Variants in PTPN2 observed in about 807,000 individuals in gnomAD.
PTPN2 encodes protein tyrosine phosphatase non-receptor type 2.
Under a neutral mutation model 57.3 loss-of-function variants are expected in PTPN2, and 19 were observed. The observed-to-expected ratio is 0.33, with a 90% confidence interval of 0.23 to 0.49. The LOEUF (loss-of-function observed/expected upper bound fraction) is 0.49, where lower values mean the gene tolerates loss of function less well. Ranked by LOEUF, PTPN2 falls within the 20% of genes least tolerant of loss-of-function variation. PTPN2 has a pLI of 0.99. For synonymous variants in PTPN2, 153 were observed against 164.9 expected (o/e 0.93, Z 0.55); for missense variants, 358 against 501.1 (o/e 0.71, Z 2.73).
At chr18:12,860,520 C>G (rs1362983980) in intron 1 of PTPN2, among the ~76,000 whole-genome samples, 1 of 152,150 alleles carries the variant, frequency 6.6e-6, no homozygotes, top group Non-Finnish European at 1.5e-5. Flanking sequence ...TCGCTTGAAA[C>G]CGGGTGGCTG....
chr18:12,878,837 A>G (rs2044578801), intron 1 of PTPN2, among the ~76,000 whole-genome samples: 1 of 152,210 alleles, frequency 6.6e-6, no homozygotes, highest in South Asian at 2.1e-4. Context: ...TGGGCAACAG[A>G]GTGAGAACTC....
rs368854010 is a variant in PTPN2, at chr18:12,845,213, T to C, written c.161-8322A>G. Among the ~76,000 whole-genome samples the C allele has an allele frequency of 2.0e-5, 3 of 152,324 alleles. No individual in the cohort carries two copies. The East Asian group carries it at 5.8e-4, about 29-fold the overall frequency. On this transcript the variant is annotated intron_variant, in intron 2 of 8. Transcript: ENST00000309660. ...AACTTCCTGAAATTCTGACAGAAAT[T>C]GTGTTAGATCTTTAGGAACAATTTG...
At chr18:12,871,690 T>C (rs2044273040) in intron 1 of PTPN2, among the ~76,000 whole-genome samples, 1 of 152,166 alleles carries the variant, frequency 6.6e-6, no homozygotes, top group Non-Finnish European at 1.5e-5. Flanking sequence ...CATTGTTTTC[T>C]TATATAATTT....
At chr18:12,864,326 A>C (rs1168239112) in intron 1 of PTPN2, 2 of 151,974 alleles carry the variant, frequency 1.3e-5, no homozygotes, top group African/African-American at 4.8e-5. Flanking sequence ...ACATTATGAA[A>C]TGGTCCATTC....
chr18:12,817,095 G>T, intron 6 of PTPN2, 61 bp downstream of exon 6: 1 of 1,480,872 alleles, frequency 6.8e-7, no homozygotes, highest in Non-Finnish European at 9.3e-7. Context: ...TTCACTGCCA[G>T]TGGAAGCAAT....
At chr18:12,848,653 T>G (rs1183416653) in intron 2 of PTPN2, among the ~76,000 whole-genome samples, 1 of 152,166 alleles carries the variant, frequency 6.6e-6, no homozygotes, top group Admixed American at 6.5e-5. Flanking sequence ...AGTAAAGAAG[T>G]TGCTTCTTCA....
intron 1 of PTPN2, among the ~76,000 whole-genome samples, chr18:12,878,028 AAAAAAAGAAAAAG>A (rs1008949359): frequency 6.6e-6 from 1 of 150,512 alleles, no homozygotes; most frequent in African/African-American, 2.4e-5. Flanking sequence ...AGACTGTCTC[AAAAAAAGAAAAAG>A]AAAAAAGAAA....
intron 6 of PTPN2, among the ~76,000 whole-genome samples, chr18:12,815,138 A>AAAT (rs1568103461): frequency 1.3e-5 from 2 of 149,182 alleles, no homozygotes; most frequent in South Asian, 2.1e-4. Context: ...ATAAATAAAA[A>AAAT]TGTGGTGGGT....
At chr18:12,807,542 A>G (rs542862498) in intron 7 of PTPN2, among the ~76,000 whole-genome samples, 46 of 138,040 alleles carry the variant, frequency 3.3e-4, no homozygotes, top group African/African-American at 1.1e-3. Context: ...ATGTCCATCA[A>G]TGAATGGAGG....
At chr18:12,869,282 TCCC>T (rs1231353208) in intron 1 of PTPN2, among the ~76,000 whole-genome samples, 1 of 152,088 alleles carries the variant, frequency 6.6e-6, no homozygotes, top group Admixed American at 6.6e-5. Flanking sequence ...GCTCAAGTGA[TCCC>T]CCCACCTCAG....
intron 1 of PTPN2, among the ~76,000 whole-genome samples, chr18:12,876,524 G>C (rs1347206470): frequency 6.6e-6 from 1 of 152,146 alleles, no homozygotes; most frequent in African/African-American, 2.4e-5. Flanking sequence ...AACTAGAAAA[G>C]CTAGGAGACA....
intron 6 of PTPN2, among the ~76,000 whole-genome samples, chr18:12,816,369 A>C (rs1818402746): frequency 6.6e-6 from 1 of 152,180 alleles, no homozygotes; most frequent in African/African-American, 2.4e-5. Context: ...GGTTATTGAT[A>C]ATCTTAGAAC....
At chr18:12,848,747 C>A (rs2043296192) in intron 2 of PTPN2, among the ~76,000 whole-genome samples, 1 of 152,240 alleles carries the variant, frequency 6.6e-6, no homozygotes, top group African/African-American at 2.4e-5. Flanking sequence ...GGTTAGTCAA[C>A]CCCTAGATTT....
intron 2 of PTPN2, among the ~76,000 whole-genome samples, chr18:12,857,060 C>A (rs1398057594): frequency 0.013 from 1,318 of 100,690 alleles, no homozygotes; most frequent in African/African-American, 0.02. Context: ...GACACCATCT[C>A]AAAAAAAAAA....
At chr18:12,810,405 T>C (rs1482921815) in intron 7 of PTPN2, among the ~76,000 whole-genome samples, 7 of 152,304 alleles carry the variant, frequency 4.6e-5, no homozygotes, top group South Asian at 4.2e-4. Flanking sequence ...TTCCCAGATA[T>C]GGCTATTTTA....
chr18:12,870,404 C>T (rs139559938), intron 1 of PTPN2, among the ~76,000 whole-genome samples: 14 of 51,186 alleles, frequency 2.7e-4, no homozygotes, highest in African/African-American at 3.9e-4. Context: ...TATATATACA[C>T]GTATATATAT....
intron 4 of PTPN2, among the ~76,000 whole-genome samples, chr18:12,827,568 A>G (rs1476629562): frequency 6.6e-6 from 1 of 151,584 alleles, no homozygotes; most frequent in Non-Finnish European, 1.5e-5. Context: ...TATTTTTTGT[A>G]GAGGCAGGGT....
intron 5 of PTPN2, chr18:12,819,431 GA>G: frequency 2.5e-6 from 1 of 400,314 alleles, no homozygotes; most frequent in Non-Finnish European, 4.4e-6. Flanking sequence ...TGACATTCTG[GA>G]AAAGGCAGAA....
At chr18:12,836,418 C>T (rs2145396883) in intron 3 of PTPN2, among the ~76,000 whole-genome samples, 1 of 152,292 alleles carries the variant, frequency 6.6e-6, no homozygotes, top group East Asian at 1.9e-4. Context: ...GCAGGGGGAG[C>T]TACAGAAGAG....
Sources: gnomAD v4.1 joint callset for allele counts (sites outside exome capture counted in the v4.1 genomes callset) on GRCh38, gnomAD v4.1.1 for gene constraint, MANE v1.5 for transcripts, NCBI Gene and HGNC (gene_info 2026-07-23, HGNC 2026-07-21) for gene names.